Variants in LRMDA observed in about 807,000 individuals in gnomAD.
LRMDA encodes the protein leucine-rich melanocyte differentiation-associated protein.
A neutral mutation model predicts 29.8 loss-of-function variants in LRMDA; 18 were observed. That is an observed-to-expected ratio of 0.60 (90% confidence interval 0.42 to 0.90). The LOEUF (loss-of-function observed/expected upper bound fraction) is 0.90. LRMDA is among the 40% of genes least tolerant of loss of function. The pLI is 0.00. For synonymous variants in LRMDA, 125 were observed against 109.4 expected (o/e 1.14, Z -0.89); for missense variants, 273 against 273.9 (o/e 1.00, Z 0.02).
intron 2 of LRMDA, among the ~76,000 whole-genome samples, chr10:75,629,398 C>T (rs1014224186): frequency 6.6e-6 from 1 of 152,172 alleles, no homozygotes; most frequent in South Asian, 2.1e-4. Flanking sequence ...GGGTCCTCAA[C>T]TTTGTAATTT....
chr10:75,594,990 T>G (rs1432850588), intron 2 of LRMDA, among the ~76,000 whole-genome samples: 2 of 152,206 alleles, frequency 1.3e-5, no homozygotes, highest in African/African-American at 4.8e-5. Context: ...ATCTTTCTCT[T>G]ATCAATTTTA....
chr10:75,512,939 C>A (rs1290571787), intron 2 of LRMDA, among the ~76,000 whole-genome samples: 1 of 152,026 alleles, frequency 6.6e-6, no homozygotes, highest in Non-Finnish European at 1.5e-5. Flanking sequence ...GAGGCCATTA[C>A]ATAGCCAAGT....
At chr10:76,096,731 G>T (rs922074752) in intron 5 of LRMDA, among the ~76,000 whole-genome samples, 1 of 152,134 alleles carries the variant, frequency 6.6e-6, no homozygotes, top group African/African-American at 2.4e-5. Flanking sequence ...AGTCTGTGAA[G>T]ATGGTATCTC....
intron 2 of LRMDA, among the ~76,000 whole-genome samples, chr10:75,685,791 T>C (rs1031785456): frequency 6.6e-6 from 1 of 152,222 alleles, no homozygotes; most frequent in African/African-American, 2.4e-5. Context: ...GGCTTTTGCA[T>C]GTGAGTATGG....
rs1844173483 is a variant in LRMDA at position 75,822,193 on chromosome 10, A to C, written c.132-213815A>C. Among the ~76,000 whole-genome samples, 6 of 152,190 alleles carry C rather than the reference A, an allele frequency of 3.9e-5. No homozygotes were observed. In the South Asian group the frequency reaches 1.2e-3, roughly 32 times the overall value. ...ACTGGTAATGATTAAGCTGAGAAGCAAATCAAAGACTGAATCCCATTTACA... is the reference window on the plus strand; with the variant it reads ...ACTGGTAATGATTAAGCTGAGAAGCCAATCAAAGACTGAATCCCATTTACA... On this transcript the variant is annotated intron_variant, in intron 2 of 6. Transcript: ENST00000611255.
intron 5 of LRMDA, among the ~76,000 whole-genome samples, chr10:76,289,392 T>C (rs1384400828): frequency 6.6e-6 from 1 of 152,170 alleles, no homozygotes; most frequent in Non-Finnish European, 1.5e-5. Context: ...GTCGCCTTCT[T>C]TTATGACTAT....
intron 2 of LRMDA, among the ~76,000 whole-genome samples, chr10:75,702,753 C>G (rs1035287929): frequency 6.6e-6 from 1 of 152,198 alleles, no homozygotes; most frequent in Non-Finnish European, 1.5e-5. Flanking sequence ...TGGCAACCTT[C>G]GCATTTGGTT....
At chr10:75,465,751 A>G (rs1336026316) in intron 2 of LRMDA, among the ~76,000 whole-genome samples, 2 of 152,192 alleles carry the variant, frequency 1.3e-5, no homozygotes, top group African/African-American at 4.8e-5. Context: ...AATCTGGCAT[A>G]TGGTAGCAGG....
At chr10:75,496,744 C>T (rs1286852488) in intron 2 of LRMDA, among the ~76,000 whole-genome samples, 1 of 152,150 alleles carries the variant, frequency 6.6e-6, no homozygotes, top group Non-Finnish European at 1.5e-5. Flanking sequence ...GGACTTCAAG[C>T]TGTACTTTGA....
intron 2 of LRMDA, among the ~76,000 whole-genome samples, chr10:75,592,702 A>G (rs537023296): frequency 6.6e-6 from 1 of 152,214 alleles, no homozygotes; most frequent in Admixed American, 6.5e-5. Context: ...CCTGTTCCTC[A>G]GTCTCGGTAA....
intron 2 of LRMDA, among the ~76,000 whole-genome samples, chr10:75,983,031 G>A (rs755162182): frequency 3.3e-5 from 5 of 152,200 alleles, no homozygotes; most frequent in Non-Finnish European, 7.3e-5. Context: ...GGATGTAAAT[G>A]TAGATAGGGT....
At chr10:76,254,724 T>TC (rs1852559394) in intron 5 of LRMDA, among the ~76,000 whole-genome samples, 1 of 152,150 alleles carries the variant, frequency 6.6e-6, no homozygotes, top group Non-Finnish European at 1.5e-5. Flanking sequence ...TCCTCTCCTC[T>TC]CTCTCTATTG....
intron 4 of LRMDA, 95 bp downstream of exon 4, chr10:76,047,398 T>C: frequency 2.4e-6 from 3 of 1,242,876 alleles, no homozygotes; most frequent in Non-Finnish European, 3.2e-6. Flanking sequence ...AGATGTTTGG[T>C]ACATATCAGT....
At chr10:75,626,051 G>A (rs1422405548) in intron 2 of LRMDA, among the ~76,000 whole-genome samples, 5 of 151,368 alleles carry the variant, frequency 3.3e-5, no homozygotes, top group Non-Finnish European at 5.9e-5. Context: ...TAGTAGAGAC[G>A]GGGTCTTGCT....
At chr10:75,693,823 A>T (rs1000289319) in intron 2 of LRMDA, among the ~76,000 whole-genome samples, 1 of 152,228 alleles carries the variant, frequency 6.6e-6, no homozygotes, top group Non-Finnish European at 1.5e-5. Context: ...ATTTGAATAA[A>T]AAAAAGCAGG....
intron 6 of LRMDA, among the ~76,000 whole-genome samples, chr10:76,415,145 T>C (rs542237288): frequency 4.6e-5 from 7 of 152,246 alleles, no homozygotes; most frequent in Non-Finnish European, 8.8e-5. Context: ...AGGGATCAGT[T>C]GAGCATGTCT....
At position 75,494,515 on chromosome 10, in the gene LRMDA, CTTTTTTTTT is replaced by C. The variant is rs34902194; in HGVS notation, c.131+56035_131+56043del. Among the ~76,000 whole-genome samples the C allele has an allele frequency of 1.9e-4, 20 of 102,872 alleles. No individual in the cohort carries two copies. In the East Asian group the frequency reaches 4.6e-3, roughly 24 times the overall value. The allele number at this position is 102,872 out of a possible 152,430, so 67.5% of individuals were successfully genotyped here. A position where few individuals can be genotyped will look rare whatever the true frequency, so the allele number is the denominator to read the frequency against. On this transcript the variant is annotated intron_variant, in intron 2 of 6. Coordinates refer to ENST00000611255, the MANE Select transcript of LRMDA (RefSeq NM_001305581.2). ...GCTAAAACAAGGTTTATGTTTGTTC[CTTTTTTTTT>C]TTTTTTTTTTTTTGTTGCCCAGGCT...
intron 6 of LRMDA, among the ~76,000 whole-genome samples, chr10:76,407,066 G>A (rs1286358513): frequency 6.6e-6 from 1 of 152,078 alleles, no homozygotes; most frequent in African/African-American, 2.4e-5. Context: ...GCCTCAAAAA[G>A]CTCATATGCA....
At chr10:76,106,273 T>C (rs1319251804) in intron 5 of LRMDA, among the ~76,000 whole-genome samples, 1 of 152,338 alleles carries the variant, frequency 6.6e-6, no homozygotes, top group Admixed American at 6.5e-5. Flanking sequence ...GTTTGGGGTA[T>C]GGTATGGTCC....
Sources: gnomAD v4.1 joint callset for allele counts (sites outside exome capture counted in the v4.1 genomes callset) on GRCh38, gnomAD v4.1.1 for gene constraint, MANE v1.5 for transcripts, NCBI Gene and HGNC (gene_info 2026-07-23, HGNC 2026-07-21) for gene names.